The following RBFOX1 variants were observed in gnomAD, a reference collection of about 807,000 sequenced individuals.
RBFOX1 encodes the protein RNA binding protein fox-1 homolog 1.
RBFOX1 carries 8 observed loss-of-function variants against 57.7 expected under a neutral mutation model. That is an observed-to-expected ratio of 0.14 (90% confidence interval 0.08 to 0.25). RBFOX1 has a LOEUF of 0.25. Ranked by LOEUF, RBFOX1 falls within the 10% of genes least tolerant of loss-of-function variation. The pLI, the probability that RBFOX1 is intolerant of heterozygous loss-of-function variation, is 1.00. For synonymous variants in RBFOX1, 326 were observed against 222.4 expected (o/e 1.47, Z -4.15); for missense variants, 611 against 548.5 (o/e 1.11, Z -1.14).
intron 3 of RBFOX1, among the ~76,000 whole-genome samples, chr16:6,935,853 C>G (rs970693495): frequency 1.3e-5 from 2 of 152,140 alleles, no homozygotes; most frequent in African/African-American, 2.4e-5. Flanking sequence ...TACCTGTGGT[C>G]TAGATCCTAG....
intron 1 of RBFOX1, among the ~76,000 whole-genome samples, chr16:5,302,801 A>G (rs2063837327): frequency 6.6e-6 from 1 of 152,178 alleles, no homozygotes; most frequent in Non-Finnish European, 1.5e-5. Flanking sequence ...CGCCTTTTTT[A>G]GTTTAATCTT....
At chr16:5,493,240 T>C (rs1304501050) in intron 2 of RBFOX1, among the ~76,000 whole-genome samples, 1 of 152,228 alleles carries the variant, frequency 6.6e-6, no homozygotes, top group Non-Finnish European at 1.5e-5. Context: ...TTTGTTATTA[T>C]TTCTTACATT....
At chr16:6,063,277 A>G (rs2095711991) in intron 1 of RBFOX1, among the ~76,000 whole-genome samples, 1 of 152,094 alleles carries the variant, frequency 6.6e-6, no homozygotes, top group Non-Finnish European at 1.5e-5. Flanking sequence ...ACTTGCTAAG[A>G]CATTGAGTTT....
chr16:6,118,284 T>C (rs2096519191), intron 1 of RBFOX1, among the ~76,000 whole-genome samples: 1 of 152,200 alleles, frequency 6.6e-6, no homozygotes, highest in Non-Finnish European at 1.5e-5. Context: ...CATATCACCT[T>C]ATGTCTCAGT....
At chr16:6,331,689 A>G (rs1244498418) in intron 2 of RBFOX1, among the ~76,000 whole-genome samples, 1 of 151,506 alleles carries the variant, frequency 6.6e-6, no homozygotes, top group Non-Finnish European at 1.5e-5. Flanking sequence ...CATTTGCTCA[A>G]TTCTCTGGTG....
intron 11 of RBFOX1, among the ~76,000 whole-genome samples, chr16:7,653,133 A>G: frequency 6.6e-6 from 1 of 152,194 alleles, no homozygotes; most frequent in Admixed American, 6.5e-5. Context: ...TTTGCATGCA[A>G]ATACACCTGT....
chr16:7,130,455 A>G (rs1366013590), intron 4 of RBFOX1, among the ~76,000 whole-genome samples: 1 of 152,152 alleles, frequency 6.6e-6, no homozygotes, highest in African/African-American at 2.4e-5. Flanking sequence ...ACATCCTTTT[A>G]GGCAAAAGTG....
chr16:6,067,778 C>A (rs2095786482), intron 1 of RBFOX1, among the ~76,000 whole-genome samples: 1 of 152,274 alleles, frequency 6.6e-6, no homozygotes, highest in African/African-American at 2.4e-5. Context: ...TTACCTAGAG[C>A]AAAATGATTG....
intron 5 of RBFOX1, among the ~76,000 whole-genome samples, chr16:7,522,326 A>G (rs1308438737): frequency 6.6e-6 from 1 of 152,180 alleles, no homozygotes; most frequent in Non-Finnish European, 1.5e-5. Context: ...TGGGGTTTGA[A>G]GGAAGAGGAA....
intron 5 of RBFOX1, among the ~76,000 whole-genome samples, chr16:7,577,616 C>G (rs1236259853): frequency 1.3e-5 from 2 of 152,212 alleles, no homozygotes; most frequent in Admixed American, 6.5e-5. Flanking sequence ...ATTTACCAGT[C>G]TCTGGGGATG....
chr16:7,373,893 A>G (rs772904899), intron 4 of RBFOX1, among the ~76,000 whole-genome samples: 1 of 152,114 alleles, frequency 6.6e-6, no homozygotes, highest in Non-Finnish European at 1.5e-5. Flanking sequence ...TTCTCATTCC[A>G]CTCAAATCTT....
intron 1 of RBFOX1, among the ~76,000 whole-genome samples, chr16:5,433,092 G>T (rs1261706473): frequency 6.6e-6 from 1 of 152,190 alleles, no homozygotes; most frequent in Non-Finnish European, 1.5e-5. Context: ...TTAGAGAGAA[G>T]ACAACAACCC....
intron 4 of RBFOX1, among the ~76,000 whole-genome samples, chr16:7,066,048 A>C (rs897983693): frequency 6.6e-6 from 1 of 152,212 alleles, no homozygotes; most frequent in African/African-American, 2.4e-5. Flanking sequence ...CAAGGGGGAA[A>C]AAAGTTTTGC....
intron 3 of RBFOX1, among the ~76,000 whole-genome samples, chr16:6,656,839 G>A (rs1189997942): frequency 6.6e-6 from 1 of 151,354 alleles, no homozygotes; most frequent in African/African-American, 2.4e-5. Context: ...ACTCTCTAAG[G>A]ACTTTTTTTA....
intron 4 of RBFOX1, among the ~76,000 whole-genome samples, chr16:7,178,237 A>T (rs575207197): frequency 6.6e-6 from 1 of 152,254 alleles, no homozygotes; most frequent in Non-Finnish European, 1.5e-5. Context: ...TAGTGATTCA[A>T]TTTGTCAGAG....
Position 6,580,971 on chromosome 16 carries a change from A to G in RBFOX1, c.-63-73632A>G, listed in dbSNP as rs114650096. ...CATAATTGCAAAGGCAAGCTTCTGA[A>G]GCATTGATCAAGAATATATTTTGCT... is the stretch of plus-strand genomic sequence containing the variant. On this transcript the variant is annotated intron_variant, in intron 2 of 15. Coordinates refer to ENST00000550418, the MANE Select transcript of RBFOX1 (RefSeq NM_018723.4). 8.2e-3 allele frequency among the ~76,000 whole-genome samples: 1,250 copies of G among 151,782 alleles called. 14 individuals carry two copies. Among genetic ancestry groups the G allele is most frequent in the African/African-American group, 0.029 (1,186 of 41,378 alleles).
At chr16:7,354,207 G>T (rs1002132234) in intron 4 of RBFOX1, among the ~76,000 whole-genome samples, 12 of 152,262 alleles carry the variant, frequency 7.9e-5, no homozygotes, top group Admixed American at 7.2e-4. Context: ...CTGACGTCAG[G>T]TGATCTGCCC....
chr16:6,987,970 C>G (rs150306562), intron 3 of RBFOX1, among the ~76,000 whole-genome samples: 288 of 152,198 alleles, frequency 1.9e-3, no homozygotes, highest in Non-Finnish European at 2.7e-3. Flanking sequence ...GCTAGGCAGT[C>G]TTTCCTTGCA....
intron 1 of RBFOX1, among the ~76,000 whole-genome samples, chr16:5,425,798 T>TCCC (rs2067541659): frequency 6.6e-6 from 1 of 152,092 alleles, no homozygotes; most frequent in Admixed American, 6.5e-5. Context: ...ACCCCCCACG[T>TCCC]CCCTGAAAGC....
Sources: allele counts gnomAD v4.1 joint callset (sites outside exome capture counted in the v4.1 genomes callset), GRCh38; gene constraint gnomAD v4.1.1; transcripts MANE v1.5; gene names NCBI Gene and HGNC (gene_info 2026-07-23, HGNC 2026-07-21).